Variants in GALNT13 observed in about 807,000 individuals in gnomAD.
The protein encoded by GALNT13 is polypeptide N-acetylgalactosaminyltransferase 13.
GALNT13 carries 28 observed loss-of-function variants against 64.2 expected under a neutral mutation model. That is an observed-to-expected ratio of 0.44 (90% CI 0.32 to 0.60). The LOEUF (loss-of-function observed/expected upper bound fraction) is 0.60. GALNT13 is among the 20% of genes least tolerant of loss of function. The probability of loss-of-function intolerance (pLI) is 0.05; values close to 1 mark genes in which losing one functional copy is unlikely to be tolerated. For missense variants in GALNT13, 577 were observed against 669.8 expected, an observed-to-expected ratio of 0.86 and a Z score of 1.53; for synonymous variants, 214 against 224.6, an observed-to-expected ratio of 0.95 and a Z score of 0.42.
chr2:154,341,897 A>T (rs770480501), intron 9 of GALNT13, among the ~76,000 whole-genome samples: 1 of 152,070 alleles, frequency 6.6e-6, no homozygotes, highest in African/African-American at 2.4e-5. Context: ...TGTATTCGAG[A>T]TATATTTCCC....
At chr2:153,286,689 C>T in the GALNT13 span, among the ~76,000 whole-genome samples, 4 of 152,236 alleles carry the variant, frequency 2.6e-5, no homozygotes, top group South Asian at 4.1e-4. Flanking sequence ...CTTCAAAAAT[C>T]GTGTTATAAT....
At chr2:153,654,380 A>G in the GALNT13 span, among the ~76,000 whole-genome samples, 17 of 152,248 alleles carry the variant, frequency 1.1e-4, no homozygotes, top group East Asian at 1.9e-3. Flanking sequence ...TGATGATATT[A>G]TGAAAATATC....
At chr2:153,172,231 G>C in the GALNT13 span, 2 of 152,158 alleles carry the variant, frequency 1.3e-5, no homozygotes, top group Non-Finnish European at 2.9e-5. Context: ...GTGGGAGACT[G>C]TATTAGTGTT....
the GALNT13 span, among the ~76,000 whole-genome samples, chr2:153,853,457 C>A: frequency 6.6e-6 from 1 of 152,046 alleles, no homozygotes; most frequent in African/African-American, 2.4e-5. Context: ...TATCCAGCAA[C>A]ACGTGAATAA....
At chr2:153,281,650 G>A in the GALNT13 span, among the ~76,000 whole-genome samples, 2 of 152,032 alleles carry the variant, frequency 1.3e-5, no homozygotes, top group African/African-American at 4.8e-5. Context: ...CACTTATGAA[G>A]CTTAATCTAG....
At chr2:153,478,660 C>T in the GALNT13 span, 3 of 1,027,268 alleles carry the variant, frequency 2.9e-6, no homozygotes, top group East Asian at 8.0e-5. Flanking sequence ...CGCTCACTCG[C>T]AGACTAGCGC....
the GALNT13 span, among the ~76,000 whole-genome samples, chr2:153,692,902 G>A: frequency 6.6e-6 from 1 of 152,056 alleles, no homozygotes; most frequent in Non-Finnish European, 1.5e-5. Flanking sequence ...TTGCTATTGT[G>A]GGGAGGTTTC....
chr2:153,767,412 A>G, the GALNT13 span, among the ~76,000 whole-genome samples: 1 of 152,164 alleles, frequency 6.6e-6, no homozygotes, highest in Non-Finnish European at 1.5e-5. Flanking sequence ...CAATGAATGT[A>G]TGAGTGCAGA....
rs968237357 is a variant in GALNT13, at chr2:154,379,325, G to C, written c.1157-16666G>C. Among the ~76,000 whole-genome samples, 6 of 151,908 alleles carry C rather than the reference G, an allele frequency of 3.9e-5. No homozygotes were observed. The East Asian group carries it at 7.7e-4, about 20-fold the overall frequency. On this transcript the variant is annotated intron_variant, in intron 9 of 12. Coordinates refer to ENST00000392825, the MANE Select transcript of GALNT13 (RefSeq NM_052917.4). ...TACTTTTTTTTAGAGCCTTAAACTA[G>C]ATTTTCATAAACCAGGTTTTATCAA...
chr2:154,160,093 C>T (rs770026033), intron 4 of GALNT13, among the ~76,000 whole-genome samples: 14 of 152,180 alleles, frequency 9.2e-5, no homozygotes, highest in Non-Finnish European at 2.1e-4. Flanking sequence ...CTTCTCTTCC[C>T]AGCCTTTATT....
chr2:153,085,157 T>C, the GALNT13 span, among the ~76,000 whole-genome samples: 1 of 152,074 alleles, frequency 6.6e-6, no homozygotes, highest in Non-Finnish European at 1.5e-5. Flanking sequence ...AGAGAGATGA[T>C]TTAGGGTATC....
At chr2:153,085,625 G>T in the GALNT13 span, among the ~76,000 whole-genome samples, 1 of 152,172 alleles carries the variant, frequency 6.6e-6, no homozygotes, top group Non-Finnish European at 1.5e-5. Flanking sequence ...ATTTAGGTTT[G>T]GGAACCTCTG....
At chr2:153,404,790 C>T in the GALNT13 span, among the ~76,000 whole-genome samples, 7 of 152,176 alleles carry the variant, frequency 4.6e-5, no homozygotes, top group African/African-American at 1.7e-4. Flanking sequence ...ATTCAGTAAA[C>T]GAGACTGGCT....
the GALNT13 span, among the ~76,000 whole-genome samples, chr2:153,700,574 A>G: frequency 6.6e-6 from 1 of 152,164 alleles, no homozygotes; most frequent in Non-Finnish European, 1.5e-5. Context: ...AGATGACATG[A>G]TTCTATGTTT....
At chr2:154,142,838 GTATATA>G (rs149527496) in intron 4 of GALNT13, among the ~76,000 whole-genome samples, 1 of 144,138 alleles carries the variant, frequency 6.9e-6, no homozygotes, top group African/African-American at 2.5e-5. Flanking sequence ...GTGTGTGTGT[GTATATA>G]TATATATATA....
chr2:153,881,994 A>G (rs1451105456), intron 1 of GALNT13, among the ~76,000 whole-genome samples: 2 of 152,132 alleles, frequency 1.3e-5, no homozygotes, highest in Non-Finnish European at 2.9e-5. Context: ...GACTTTTTAA[A>G]GTATAGCTTC....
the GALNT13 span, among the ~76,000 whole-genome samples, chr2:153,291,387 T>C: frequency 3.3e-5 from 5 of 152,098 alleles, no homozygotes; most frequent in Non-Finnish European, 7.4e-5. Context: ...TTCATGGGAG[T>C]TGGGGGCCAT....
chr2:153,097,932 C>T, the GALNT13 span, among the ~76,000 whole-genome samples: 15 of 152,068 alleles, frequency 9.9e-5, no homozygotes, highest in African/African-American at 2.2e-4. Flanking sequence ...TGGGCGTGGT[C>T]GTGGGCACCT....
At chr2:153,336,896 G>A in the GALNT13 span, among the ~76,000 whole-genome samples, 1 of 152,188 alleles carries the variant, frequency 6.6e-6, no homozygotes, top group Non-Finnish European at 1.5e-5. Flanking sequence ...AATAAGGCCA[G>A]ACTTTCCCGT....
Sources: allele counts gnomAD v4.1 joint callset (sites outside exome capture counted in the v4.1 genomes callset), GRCh38; gene constraint gnomAD v4.1.1; transcripts MANE v1.5; gene names NCBI Gene and HGNC (gene_info 2026-07-23, HGNC 2026-07-21).